SGCZ: variants seen among roughly 807,000 people sequenced by gnomAD.
The protein encoded by SGCZ is zeta-sarcoglycan.
In SGCZ, 40 loss-of-function variants were observed where a neutral mutation model predicts 41.3. That is an observed-to-expected ratio of 0.97 (90% CI 0.75 to 1.26). The LOEUF (loss-of-function observed/expected upper bound fraction) is 1.26. Ranked by LOEUF, SGCZ falls within the 50% of genes most tolerant of loss-of-function variation. The probability of loss-of-function intolerance (pLI) is 0.00; values close to 1 mark genes in which losing one functional copy is unlikely to be tolerated. For missense variants in SGCZ, 552 were observed against 369.8 expected (o/e 1.49, Z -4.04); for synonymous variants, 206 against 137.5 (o/e 1.50, Z -3.49).
At chr8:14,112,488 T>C (rs1009464950) in intron 5 of SGCZ, among the ~76,000 whole-genome samples, 3 of 152,132 alleles carry the variant, frequency 2.0e-5, no homozygotes, top group South Asian at 4.1e-4. Context: ...AGAAGATTCC[T>C]ATTTATTTAT....
intron 5 of SGCZ, among the ~76,000 whole-genome samples, chr8:14,117,408 CTGTGTGTGTGTG>C (rs57595662): frequency 4.3e-4 from 56 of 131,574 alleles, no homozygotes; most frequent in African/African-American, 1.3e-3. Context: ...ATGCACACAT[CTGTGTGTGTGTG>C]TGTGTGTGTG....
At position 14,663,708 on chromosome 8, in the gene SGCZ, T is replaced by C. The variant is rs542994140; in HGVS notation, c.40-108782A>G. ...AGCCTTCAACTGATTAAACGATATG[T>C]CCCTTGATGTTCAAATAGTATCTTG... On this transcript the variant is annotated intron_variant, in intron 1 of 7. Transcript: ENST00000382080. Among the ~76,000 whole-genome samples, 31 of 152,280 alleles carry C rather than the reference T, an allele frequency of 2.0e-4. 1 individual carries two copies. The South Asian group carries it at 6.4e-3, about 32-fold the overall frequency.
intron 1 of SGCZ, among the ~76,000 whole-genome samples, chr8:14,844,582 A>G (rs1803037389): frequency 6.6e-6 from 1 of 152,186 alleles, no homozygotes; most frequent in African/African-American, 2.4e-5. Flanking sequence ...GACATGAAAC[A>G]TGAGAAATAA....
intron 4 of SGCZ, among the ~76,000 whole-genome samples, chr8:14,179,640 G>A (rs376288898): frequency 2.6e-5 from 4 of 152,254 alleles, no homozygotes; most frequent in South Asian, 2.1e-4. Flanking sequence ...GACAGGAAAT[G>A]GGAAGGTAAT....
At chr8:15,111,856 C>A (rs771946313) in intron 1 of SGCZ, among the ~76,000 whole-genome samples, 30 of 151,312 alleles carry the variant, frequency 2.0e-4, no homozygotes, top group South Asian at 1.0e-3. Context: ...GCCGAGATTA[C>A]ACCACCGCAC....
intron 1 of SGCZ, among the ~76,000 whole-genome samples, chr8:15,098,239 G>A (rs1051155810): frequency 2.6e-5 from 4 of 151,972 alleles, no homozygotes; most frequent in African/African-American, 9.7e-5. Context: ...GAAAAAATGA[G>A]AAAGGAAAAA....
intron 1 of SGCZ, among the ~76,000 whole-genome samples, chr8:15,174,478 G>A (rs986195889): frequency 6.6e-6 from 1 of 152,090 alleles, no homozygotes; most frequent in Non-Finnish European, 1.5e-5. Context: ...AAACTAAGCA[G>A]CTGTGGTAAG....
At chr8:14,859,115 T>A (rs968660216) in intron 1 of SGCZ, among the ~76,000 whole-genome samples, 4 of 152,170 alleles carry the variant, frequency 2.6e-5, no homozygotes, top group Non-Finnish European at 4.4e-5. Context: ...GAAGTCCTTT[T>A]CCTGAAGACA....
chr8:14,316,651 T>C lies in SGCZ; in HGVS notation c.336+7452A>G, dbSNP rs539926020. On this transcript the variant is annotated intron_variant, in intron 3 of 7. Transcript: ENST00000382080. ...CAGGATATCATATTATTTTGGTTTT[T>C]TGACCTCTCACTGGCCTTTGTGTCT... Among the ~76,000 whole-genome samples, 3 of 152,148 alleles carry C rather than the reference T, an allele frequency of 2.0e-5. No homozygotes were observed. In the South Asian group the frequency reaches 6.2e-4, roughly 32 times the overall value.
chr8:14,502,547 G>C (rs11787319), intron 2 of SGCZ, among the ~76,000 whole-genome samples: 39,066 of 151,582 alleles, frequency 0.26, 5,047 homozygotes, highest in Admixed American at 0.29. Flanking sequence ...AAATTTTTGC[G>C]ATCTATCCAT....
intron 1 of SGCZ, among the ~76,000 whole-genome samples, chr8:14,848,807 G>A (rs901490798): frequency 3.3e-5 from 5 of 152,132 alleles, no homozygotes; most frequent in African/African-American, 1.2e-4. Flanking sequence ...AACCGTCCCA[G>A]AAGCACAATC....
At chr8:14,341,438 C>G (rs1333238156) in intron 2 of SGCZ, among the ~76,000 whole-genome samples, 1 of 151,972 alleles carries the variant, frequency 6.6e-6, no homozygotes, top group Non-Finnish European at 1.5e-5. Context: ...ACACTTGTTA[C>G]CTTTTGTTTG....
At chr8:14,371,943 T>C (rs1411960057) in intron 2 of SGCZ, among the ~76,000 whole-genome samples, 1 of 152,062 alleles carries the variant, frequency 6.6e-6, no homozygotes, top group Non-Finnish European at 1.5e-5. Flanking sequence ...GAGATCAATA[T>C]GGGCTGACAT....
intron 2 of SGCZ, among the ~76,000 whole-genome samples, chr8:14,345,234 C>T (rs1016369732): frequency 1.3e-5 from 2 of 152,092 alleles, no homozygotes; most frequent in African/African-American, 4.8e-5. Flanking sequence ...GTTTTCACTA[C>T]ACATCCATTA....
intron 1 of SGCZ, among the ~76,000 whole-genome samples, chr8:14,844,112 T>C (rs935885219): frequency 6.6e-6 from 1 of 152,074 alleles, no homozygotes. Context: ...AGGACCTCCA[T>C]GTATACTGTA....
At chr8:14,702,673 C>T (rs970666639) in intron 1 of SGCZ, among the ~76,000 whole-genome samples, 1 of 151,654 alleles carries the variant, frequency 6.6e-6, no homozygotes, top group Non-Finnish European at 1.5e-5. Context: ...ACCTTGGGGT[C>T]ACTGATGACT....
At position 14,644,416 on chromosome 8, in the gene SGCZ, C is replaced by T. The variant is rs906402929; in HGVS notation, c.40-89490G>A. 4.0e-5 allele frequency among the ~76,000 whole-genome samples: 6 copies of T among 151,848 alleles called. No homozygotes were observed. The South Asian group carries it at 6.2e-4, about 16-fold the overall frequency. ...GCAGAATTCACACTACACACTGCAA[C>T]ATCAACTCTTACCCAAGTTTCCAGT... On this transcript the variant is annotated intron_variant, in intron 1 of 7. Transcript: ENST00000382080.
chr8:14,589,798 T>C (rs997144733), intron 1 of SGCZ, among the ~76,000 whole-genome samples: 15 of 152,140 alleles, frequency 9.9e-5, no homozygotes, highest in Non-Finnish European at 1.6e-4. Context: ...TCTTGAAATA[T>C]GTTATCCATC....
chr8:14,851,082 A>G (rs1585317756), intron 1 of SGCZ, among the ~76,000 whole-genome samples: 1 of 152,176 alleles, frequency 6.6e-6, no homozygotes, highest in Non-Finnish European at 1.5e-5. Flanking sequence ...TAAAGAATGT[A>G]TTCAAGGCTG....
Sources: gnomAD v4.1 joint callset for allele counts (sites outside exome capture counted in the v4.1 genomes callset) on GRCh38, gnomAD v4.1.1 for gene constraint, MANE v1.5 for transcripts, NCBI Gene and HGNC (gene_info 2026-07-23, HGNC 2026-07-21) for gene names.